The following IL20RB variants were observed in gnomAD, a reference collection of about 807,000 sequenced individuals.
IL20RB encodes interleukin-20 receptor subunit beta.
A neutral mutation model predicts 33.3 loss-of-function variants in IL20RB; 21 were observed. The observed-to-expected ratio is 0.63, with a 90% CI of 0.45 to 0.91. The LOEUF is 0.91. Ranked by LOEUF, IL20RB falls within the 40% of genes least tolerant of loss-of-function variation. IL20RB has a pLI of 0.00. For synonymous variants in IL20RB, 147 were observed against 146.8 expected (o/e 1.00, Z -0.01); for missense variants, 345 against 384.8 (o/e 0.90, Z 0.86).
intron 5 of IL20RB, among the ~76,000 whole-genome samples, chr3:136,993,068 AAAGT>A (rs1174319562): frequency 6.6e-6 from 1 of 152,202 alleles, no homozygotes; most frequent in East Asian, 1.9e-4. Flanking sequence ...CAAAGCATAT[AAAGT>A]AAGAGGAGGG....
At chr3:137,009,065 G>T (rs115985537) in intron 6 of IL20RB, among the ~76,000 whole-genome samples, 1,729 of 152,274 alleles carry the variant, frequency 0.011, 32 homozygotes, top group African/African-American at 0.038. Flanking sequence ...GCTGTGTGTT[G>T]CCTCTTCCTG....
Position 136,989,522 on chromosome 3 carries a change from T to A in IL20RB, c.488T>A (p.Phe163Tyr), listed in dbSNP as rs1386356158. The change falls in exon 4 of 7, where the codon TTT (phenylalanine) becomes TAT (tyrosine). Residue 163 changes from phenylalanine (F) to tyrosine (Y), a missense_variant. Transcript: ENST00000329582. ...VIELEDLGPQ[F>Y]EFLVAYWRRE... Reference sequence around the variant, plus strand: ...GAGCTGGAGGACCTGGGGCCCCAGTTTGAGTTCCTTGTGGCCTACTGGAGG... The same window carrying A: ...GAGCTGGAGGACCTGGGGCCCCAGTATGAGTTCCTTGTGGCCTACTGGAGG... 6.2e-7 allele frequency: 1 copy of A among 1,613,976 alleles called. No individual in the cohort carries two copies. Among genetic ancestry groups the A allele is most frequent in the African/African-American group, 1.3e-5 (1 of 75,036 alleles).
chr3:136,990,706 C>G (rs535469815), intron 4 of IL20RB, among the ~76,000 whole-genome samples: 1 of 152,282 alleles, frequency 6.6e-6, no homozygotes, highest in East Asian at 1.9e-4. Context: ...CCAAGGGTAC[C>G]CTTGATCTTA....
At chr3:136,981,807 G>A (rs577779455) in intron 2 of IL20RB, among the ~76,000 whole-genome samples, 9 of 152,332 alleles carry the variant, frequency 5.9e-5, no homozygotes, top group Admixed American at 2.0e-4. Context: ...GGAGAGAAAC[G>A]TCACAATCTG....
At chr3:136,967,244 G>A (rs1941376797) in intron 1 of IL20RB, among the ~76,000 whole-genome samples, 2 of 151,680 alleles carry the variant, frequency 1.3e-5, no homozygotes, top group East Asian at 1.9e-4. Flanking sequence ...CAATTCCTGG[G>A]TATCCTTGTT....
At chr3:136,986,667 G>T (rs1414425892) in intron 3 of IL20RB, 1 of 456,700 alleles carries the variant, frequency 2.2e-6, no homozygotes, top group Non-Finnish European at 4.4e-6. Flanking sequence ...ATGGGGAAAG[G>T]CTTTGTTCTC....
At chr3:136,962,720 C>A (rs1160668640) in intron 1 of IL20RB, among the ~76,000 whole-genome samples, 2 of 150,426 alleles carry the variant, frequency 1.3e-5, no homozygotes, top group Admixed American at 6.6e-5. Context: ...CCACTGCACT[C>A]CAGTCTGGCA....
chr3:136,983,233 G>A (rs918939993), intron 3 of IL20RB, among the ~76,000 whole-genome samples: 9 of 152,114 alleles, frequency 5.9e-5, no homozygotes, highest in Middle Eastern at 6.8e-3. Context: ...GACTACAGGC[G>A]TGCACCACCA....
At chr3:137,000,407 C>T (rs913456144) in intron 6 of IL20RB, among the ~76,000 whole-genome samples, 1 of 152,206 alleles carries the variant, frequency 6.6e-6, no homozygotes, top group Non-Finnish European at 1.5e-5. Flanking sequence ...TTGCACCAGT[C>T]TCTGTTTTTT....
intron 1 of IL20RB, among the ~76,000 whole-genome samples, chr3:136,971,562 G>A (rs539780284): frequency 9.7e-4 from 148 of 152,246 alleles, no homozygotes; most frequent in Non-Finnish European, 1.8e-3. Flanking sequence ...AAATCGTTTA[G>A]CTCCCACATG....
chr3:137,001,155 A>C (rs1388938931), intron 6 of IL20RB, among the ~76,000 whole-genome samples: 2 of 152,192 alleles, frequency 1.3e-5, no homozygotes, highest in African/African-American at 4.8e-5. Context: ...AGAGACTGGA[A>C]GACTCTGTGA....
chr3:136,958,946 ACT>A (rs1223796289), intron 1 of IL20RB, among the ~76,000 whole-genome samples: 2 of 110,952 alleles, frequency 1.8e-5, no homozygotes, highest in African/African-American at 3.7e-5. Flanking sequence ...TCTCTGTCTC[ACT>A]CTCTGTGTGT....
chr3:136,973,582 G>A (rs190279023), intron 1 of IL20RB, among the ~76,000 whole-genome samples: 2 of 152,218 alleles, frequency 1.3e-5, no homozygotes, highest in African/African-American at 4.8e-5. Context: ...GGTCCATTTG[G>A]TCTAAAGTCC....
At chr3:136,980,331 G>C in intron 1 of IL20RB, 135 bp from the exon 2 acceptor site, 1 of 941,416 alleles carries the variant, frequency 1.1e-6, no homozygotes, top group Non-Finnish European at 1.7e-6. Flanking sequence ...TGTTGTCTAG[G>C]CTGGAGTGCA....
intron 1 of IL20RB, among the ~76,000 whole-genome samples, chr3:136,961,460 G>A (rs1482246542): frequency 6.6e-6 from 1 of 151,702 alleles, no homozygotes; most frequent in Non-Finnish European, 1.5e-5. Flanking sequence ...AATCTAGGGT[G>A]CTGTCTGGAT....
chr3:136,959,528 G>C (rs756377621), intron 1 of IL20RB: 32 of 152,230 alleles, frequency 2.1e-4, no homozygotes, highest in Non-Finnish European at 3.7e-4. Flanking sequence ...CAGAAATGTT[G>C]CCAAGAAAAC....
At chr3:136,986,454 T>A (rs1393254869) in intron 3 of IL20RB, among the ~76,000 whole-genome samples, 1 of 152,132 alleles carries the variant, frequency 6.6e-6, no homozygotes, top group Non-Finnish European at 1.5e-5. Context: ...TCTGATGACA[T>A]CTGACAGAAA....
At chr3:136,980,900 C>G (rs1941755579) in intron 2 of IL20RB, among the ~76,000 whole-genome samples, 2 of 152,212 alleles carry the variant, frequency 1.3e-5, no homozygotes, top group Non-Finnish European at 2.9e-5. Flanking sequence ...ACTGGAGACT[C>G]AGATCCTTTA....
intron 6 of IL20RB, among the ~76,000 whole-genome samples, chr3:137,000,748 G>A (rs535108554): frequency 9.9e-5 from 15 of 152,194 alleles, no homozygotes; most frequent in Admixed American, 2.0e-4. Flanking sequence ...TTTCTCATAC[G>A]TGGTGAAAAG....
Sources: gnomAD v4.1 joint callset for allele counts (sites outside exome capture counted in the v4.1 genomes callset) on GRCh38, gnomAD v4.1.1 for gene constraint, MANE v1.5 for transcripts, NCBI Gene and HGNC (gene_info 2026-07-23, HGNC 2026-07-21) for gene names.